Variants in LMCD1 observed in about 807,000 individuals in gnomAD.
LMCD1 encodes the protein LIM and cysteine-rich domains protein 1.
A neutral mutation model predicts 42.7 loss-of-function variants in LMCD1; 32 were observed. The observed-to-expected ratio is 0.75, with a 90% CI of 0.57 to 1.01. The LOEUF (loss-of-function observed/expected upper bound fraction) is 1.01. Ranked by LOEUF, LMCD1 falls within the 50% of genes least tolerant of loss-of-function variation. The probability of loss-of-function intolerance (pLI) is 0.00; values close to 1 mark genes in which losing one functional copy is unlikely to be tolerated. For missense variants in LMCD1, 458 were observed against 483.1 expected (o/e 0.95, Z 0.49); for synonymous variants, 178 against 184.9 (o/e 0.96, Z 0.30).
Position 8,564,786 on chromosome 3 carries a change from G to A in LMCD1, c.724-646G>A, listed in dbSNP as rs149424980. On this transcript the variant is annotated intron_variant, in intron 4 of 5. Coordinates refer to ENST00000157600, the MANE Select transcript of LMCD1 (RefSeq NM_014583.4). ...AAGAATATCCACAGTTGCCTGGAAGGTCCTTTAAAATGCATCGTCCTCCTT... is the reference window on the plus strand; with the variant it reads ...AAGAATATCCACAGTTGCCTGGAAGATCCTTTAAAATGCATCGTCCTCCTT... 2.6e-5 allele frequency among the ~76,000 whole-genome samples: 4 copies of A among 152,292 alleles called. No homozygotes were observed. In the East Asian group the frequency reaches 7.7e-4, roughly 29 times the overall value.
At chr3:8,556,787 A>C (rs1276765118) in intron 4 of LMCD1, among the ~76,000 whole-genome samples, 1 of 152,224 alleles carries the variant, frequency 6.6e-6, no homozygotes, top group Non-Finnish European at 1.5e-5. Context: ...ATGTTCTCTT[A>C]CACGTGTAGC....
Position 8,548,616 on chromosome 3 carries a change from G to A in LMCD1, c.436G>A (p.Gly146Ser), listed in dbSNP as rs774131217. ...LIPKEKQPVT[G>S]TEGAFYRRRQ... ...CCCCAAGGAGAAGCAGCCAGTGACA[G>A]GCACAGAGGGTGCCTTTTACCGCCG... The change falls in exon 4 of 6, where the codon GGC (glycine) becomes AGC (serine). Residue 146 changes from glycine (G) to serine (S), a missense_variant. By Grantham distance (56) the Gly-to-Ser change is moderately conservative. Transcript: ENST00000157600. 6 of 1,614,012 alleles carry A rather than the reference G, an allele frequency of 3.7e-6. No homozygotes were observed. The East Asian group carries it at 1.3e-4, about 36-fold the overall frequency.
At position 8,504,935 on chromosome 3, in the gene LMCD1, C is replaced by G. The variant is rs114608168; in HGVS notation, c.42+2955C>G. 1.6e-3 allele frequency among the ~76,000 whole-genome samples: 249 copies of G among 152,320 alleles called. 2 individuals carry two copies. The highest frequency in any genetic ancestry group is 5.6e-3 in the African/African-American group (232 of 41,578). On this transcript the variant is annotated intron_variant, in intron 1 of 5. Transcript: ENST00000157600. ...GATCTGGTTTAAGTCCCAGCTCCCC[C>G]ACTTACTAGCTGTGTGCTCTTGGGC...
At chr3:8,545,892 T>G (rs1317163035) in intron 3 of LMCD1, among the ~76,000 whole-genome samples, 2 of 152,172 alleles carry the variant, frequency 1.3e-5, no homozygotes, top group Non-Finnish European at 2.9e-5. Context: ...TCCCAGCATT[T>G]TGGGAGGCCG....
intron 1 of LMCD1, among the ~76,000 whole-genome samples, chr3:8,509,043 C>T (rs572852592): frequency 6.6e-6 from 1 of 152,340 alleles, no homozygotes; most frequent in East Asian, 1.9e-4. Flanking sequence ...ACCTCTGGTT[C>T]CTCATTTGAG....
chr3:8,532,675 T>A, intron 1 of LMCD1, 62 bp from the exon 2 acceptor site: 1 of 1,437,270 alleles, frequency 7.0e-7, no homozygotes, highest in Non-Finnish European at 9.8e-7. Context: ...CTTTTAGAGG[T>A]CAAGCATCTC....
chr3:8,538,834 G>C (rs1162505939), intron 3 of LMCD1, among the ~76,000 whole-genome samples: 1 of 152,204 alleles, frequency 6.6e-6, no homozygotes, highest in Admixed American at 6.5e-5. Flanking sequence ...CCTGCACCCA[G>C]GACGGTGCAG....
intron 3 of LMCD1, among the ~76,000 whole-genome samples, chr3:8,548,034 G>A (rs1382415226): frequency 6.6e-6 from 1 of 152,162 alleles, no homozygotes; most frequent in African/African-American, 2.4e-5. Flanking sequence ...TAACACAATG[G>A]TCAGTCAGTA....
chr3:8,573,236 A>G lies in LMCD1; in HGVS notation c.*5638A>G, dbSNP rs1424031233. The G allele has an allele frequency of 6.6e-6, 1 of 152,152 alleles. No homozygotes were observed. The highest frequency in any genetic ancestry group is 2.4e-5 in the African/African-American group (1 of 41,430). The allele number at this position is 152,152 out of a possible 1,614,324, so 9.4% of individuals were successfully genotyped here. On this transcript the variant is annotated 3_prime_UTR_variant, in exon 6 of 6. Coordinates refer to ENST00000157600, the MANE Select transcript of LMCD1 (RefSeq NM_014583.4). ...AATTACACATTTCTGAAGCCATTACACTTCCTAGTTTATTTGGATTTAAGT... is the reference window on the plus strand; with the variant it reads ...AATTACACATTTCTGAAGCCATTACGCTTCCTAGTTTATTTGGATTTAAGT...
At chr3:8,502,356 T>A (rs242382) in intron 1 of LMCD1, among the ~76,000 whole-genome samples, 4 of 84,384 alleles carry the variant, frequency 4.7e-5, no homozygotes, top group Non-Finnish European at 8.4e-5. Context: ...AAATATATAA[T>A]ATATATTATA....
chr3:8,518,013 C>T (rs1273215061), intron 1 of LMCD1, among the ~76,000 whole-genome samples: 2 of 151,816 alleles, frequency 1.3e-5, no homozygotes, highest in African/African-American at 4.8e-5. Context: ...CTACAACCAC[C>T]TCATGAAGCT....
chr3:8,504,633 A>C (rs1422541769), intron 1 of LMCD1, among the ~76,000 whole-genome samples: 1 of 152,226 alleles, frequency 6.6e-6, no homozygotes, highest in Non-Finnish European at 1.5e-5. Context: ...GGCCACATAC[A>C]TACATCGTGG....
At chr3:8,536,327 C>G (rs954749632) in intron 2 of LMCD1, among the ~76,000 whole-genome samples, 1 of 152,210 alleles carries the variant, frequency 6.6e-6, no homozygotes, top group African/African-American at 2.4e-5. Context: ...CCGTGGAACT[C>G]TCTTGATTTC....
rs1029958755 is a variant in LMCD1 at position 8,572,505 on chromosome 3, G to A, written c.*4907G>A. 9.2e-5 allele frequency: 14 copies of A among 152,044 alleles called. No homozygotes were observed. Among genetic ancestry groups the A allele is most frequent in the Non-Finnish European group, 1.8e-4 (12 of 68,008 alleles). The allele number at this position is 152,044 out of a possible 1,614,324, so 9.4% of individuals were successfully genotyped here. A position where few individuals can be genotyped will look rare whatever the true frequency, so the allele number is the denominator to read the frequency against. ...TAGTATTCATTGACGTTTACTGATC[G>A]AACTAATTATTATTATGATAGTTGC... On this transcript the variant is annotated 3_prime_UTR_variant, in exon 6 of 6. Transcript: ENST00000157600.
At chr3:8,510,678 C>A (rs144025938) in intron 1 of LMCD1, among the ~76,000 whole-genome samples, 58 of 152,280 alleles carry the variant, frequency 3.8e-4, no homozygotes, top group African/African-American at 1.3e-3. Flanking sequence ...TTATACTCAT[C>A]CCTGCTCTGA....
At chr3:8,521,603 G>A (rs1056473608) in intron 1 of LMCD1, among the ~76,000 whole-genome samples, 1 of 152,162 alleles carries the variant, frequency 6.6e-6, no homozygotes, top group African/African-American at 2.4e-5. Flanking sequence ...TGAAAAATGT[G>A]CTGATTTGAG....
At chr3:8,514,436 G>A (rs957925857) in intron 1 of LMCD1, among the ~76,000 whole-genome samples, 26 of 152,286 alleles carry the variant, frequency 1.7e-4, no homozygotes, top group African/African-American at 5.3e-4. Context: ...TACAGCCACC[G>A]TGGAAAGCTG....
chr3:8,510,376 G>T (rs1693973514), intron 1 of LMCD1, among the ~76,000 whole-genome samples: 1 of 152,202 alleles, frequency 6.6e-6, no homozygotes. Context: ...GCATCTGGGG[G>T]CTTCTTATTT....
intron 4 of LMCD1, among the ~76,000 whole-genome samples, chr3:8,554,436 T>C (rs1024653654): frequency 6.6e-6 from 1 of 152,172 alleles, no homozygotes; most frequent in Non-Finnish European, 1.5e-5. Context: ...GGCAGCCGTG[T>C]ATGGGGTAGC....
Sources: gnomAD v4.1 joint callset for allele counts (sites outside exome capture counted in the v4.1 genomes callset) on GRCh38, gnomAD v4.1.1 for gene constraint, MANE v1.5 for transcripts, NCBI Gene and HGNC (gene_info 2026-07-23, HGNC 2026-07-21) for gene names.